PDE4B: variants seen among roughly 807,000 people sequenced by gnomAD.
The protein encoded by PDE4B is phosphodiesterase 4B.
In PDE4B, 20 loss-of-function variants were observed where a neutral mutation model predicts 82.2. The ratio of observed to expected loss-of-function variants is 0.24; its 90% confidence interval spans 0.17 to 0.35. The LOEUF (loss-of-function observed/expected upper bound fraction) is 0.35, where lower values mean the gene tolerates loss of function less well. Among genes scored for constraint, PDE4B ranks in the 10% least tolerant of loss-of-function variants. The probability of loss-of-function intolerance (pLI) is 1.00; values close to 1 mark genes in which losing one functional copy is unlikely to be tolerated. For missense variants in PDE4B, 655 were observed against 907.2 expected (o/e 0.72, Z 3.57); for synonymous variants, 320 against 318.9 (o/e 1.00, Z -0.04).
At chr1:66,159,370 C>G (rs1326434167) in intron 3 of PDE4B, among the ~76,000 whole-genome samples, 3 of 151,452 alleles carry the variant, frequency 2.0e-5, no homozygotes, top group African/African-American at 4.9e-5. Context: ...TCCCAGGTAG[C>G]AGGGACTACA....
At chr1:66,176,177 C>T (rs1031381847) in intron 3 of PDE4B, among the ~76,000 whole-genome samples, 1 of 152,192 alleles carries the variant, frequency 6.6e-6, no homozygotes, top group Non-Finnish European at 1.5e-5. Context: ...GTTGACTCAA[C>T]AAAGGCAAGA....
At chr1:66,125,318 C>G (rs1358349641) in intron 3 of PDE4B, among the ~76,000 whole-genome samples, 4 of 152,016 alleles carry the variant, frequency 2.6e-5, no homozygotes, top group African/African-American at 9.7e-5. Flanking sequence ...TGCCAGCCAC[C>G]ATGCCCAGCT....
At chr1:65,944,634 C>T (rs1483499035) in intron 3 of PDE4B, among the ~76,000 whole-genome samples, 6 of 151,848 alleles carry the variant, frequency 4.0e-5, no homozygotes, top group Non-Finnish European at 8.8e-5. Context: ...AGGGGGAATG[C>T]AAAGAGCAAG....
intron 3 of PDE4B, among the ~76,000 whole-genome samples, chr1:66,016,996 CAG>C (rs2100755522): frequency 6.6e-6 from 1 of 152,168 alleles, no homozygotes; most frequent in East Asian, 1.9e-4. Context: ...GAGAAAACAA[CAG>C]AGTGTGGGTG....
At chr1:66,080,593 C>T (rs1656671993) in intron 3 of PDE4B, among the ~76,000 whole-genome samples, 1 of 152,090 alleles carries the variant, frequency 6.6e-6, no homozygotes, top group African/African-American at 2.4e-5. Context: ...GTGGGAAAAG[C>T]ATGTCTTCGC....
At chr1:66,072,778 T>C (rs1385721188) in intron 3 of PDE4B, among the ~76,000 whole-genome samples, 1 of 152,136 alleles carries the variant, frequency 6.6e-6, no homozygotes, top group Admixed American at 6.6e-5. Context: ...AGGCAAATCA[T>C]ATATGGTCCT....
At chr1:65,950,563 G>T (rs1648941482) in intron 3 of PDE4B, among the ~76,000 whole-genome samples, 1 of 152,056 alleles carries the variant, frequency 6.6e-6, no homozygotes, top group Non-Finnish European at 1.5e-5. Context: ...GTGGTCTCAG[G>T]AGGGACTAGC....
chr1:65,899,147 G>A (rs920911873), intron 1 of PDE4B, among the ~76,000 whole-genome samples: 13 of 151,448 alleles, frequency 8.6e-5, no homozygotes, highest in African/African-American at 2.4e-4. Context: ...CCATCAAAAA[G>A]TGGGCTAAGG....
intron 3 of PDE4B, among the ~76,000 whole-genome samples, chr1:65,965,176 G>GTAACC (rs1649748096): frequency 6.6e-6 from 1 of 152,068 alleles, no homozygotes; most frequent in South Asian, 2.1e-4. Flanking sequence ...GTGAGTGGGG[G>GTAACC]TAACCTAGAG....
chr1:66,083,310 A>G (rs867653045), intron 3 of PDE4B, among the ~76,000 whole-genome samples: 1 of 151,968 alleles, frequency 6.6e-6, no homozygotes, highest in Non-Finnish European at 1.5e-5. Context: ...CAGCCTAACT[A>G]TATAATCATT....
chr1:66,302,526 T>C (rs1657969472), intron 7 of PDE4B, among the ~76,000 whole-genome samples: 1 of 152,152 alleles, frequency 6.6e-6, no homozygotes, highest in Admixed American at 6.6e-5. Context: ...GGAATTAGAA[T>C]AGTAATCTCT....
At chr1:66,362,556 T>TG (rs1662866443) in intron 10 of PDE4B, among the ~76,000 whole-genome samples, 1 of 152,198 alleles carries the variant, frequency 6.6e-6, no homozygotes, top group African/African-American at 2.4e-5. Flanking sequence ...TGAAATAAAT[T>TG]GGTCCTTAAA....
rs115658271 is a variant in PDE4B at position 66,119,930 on chromosome 1, G to A, written c.282-127530G>A. On this transcript the variant is annotated intron_variant, in intron 3 of 16. Coordinates refer to ENST00000341517, the MANE Select transcript of PDE4B (RefSeq NM_002600.4). ...CATCTACAAGCCATGGAATCTCTGA[G>A]GTGAGGCTACCAGAAGCTTAGAGAG... is the stretch of plus-strand genomic sequence containing the variant. Among the ~76,000 whole-genome samples the A allele has an allele frequency of 8.1e-3, 1,240 of 152,222 alleles. 21 individuals are homozygous for A. The highest frequency in any genetic ancestry group is 0.029 in the African/African-American group (1,207 of 41,540).
At chr1:65,890,004 T>A (rs1448477363) in intron 1 of PDE4B, among the ~76,000 whole-genome samples, 2 of 152,144 alleles carry the variant, frequency 1.3e-5, no homozygotes, top group East Asian at 3.8e-4. Flanking sequence ...GTCCAGCTTT[T>A]AAAAACTTAA....
chr1:66,367,940 A>T lies in PDE4B; in HGVS notation c.1540-3A>T. ...AAGAGTTTTCATTTTCTTTTTACCC[A>T]AGGTGTTAGCAACTGATATGTCTAA... is the stretch of plus-strand genomic sequence containing the variant. On this transcript the variant is annotated splice_polypyrimidine_tract_variant and splice_region_variant and intron_variant, in intron 14 of 16. Coordinates refer to ENST00000341517, the MANE Select transcript of PDE4B (RefSeq NM_002600.4). 6.2e-7 allele frequency: 1 copy of T among 1,613,350 alleles called. No individual in the cohort carries two copies. The highest frequency in any genetic ancestry group is 1.1e-5 in the South Asian group (1 of 90,962).
chr1:66,269,026 G>A (rs1447587612), intron 7 of PDE4B, among the ~76,000 whole-genome samples: 2 of 152,010 alleles, frequency 1.3e-5, no homozygotes, highest in African/African-American at 4.8e-5. Context: ...TGAATTGACC[G>A]GGAAAACTAC....
At chr1:66,108,052 CTTATTTCTTTGTAGTG>C (rs1343335100) in intron 3 of PDE4B, among the ~76,000 whole-genome samples, 6 of 151,882 alleles carry the variant, frequency 4.0e-5, no homozygotes, top group Non-Finnish European at 7.4e-5. Flanking sequence ...ACCTCACATA[CTTATTTCTTTGTAGTG>C]AGAATATTTA....
intron 3 of PDE4B, chr1:65,993,153 A>T (rs754829139): frequency 6.2e-7 from 1 of 1,600,726 alleles, no homozygotes; most frequent in Middle Eastern, 1.7e-4. Context: ...GTAAGATAAG[A>T]CTTGGAGGTA....
chr1:66,320,932 G>A (rs904181612), intron 7 of PDE4B, among the ~76,000 whole-genome samples: 5 of 152,150 alleles, frequency 3.3e-5, no homozygotes, highest in African/African-American at 1.2e-4. Flanking sequence ...GTTGGGAAAG[G>A]CATTTTAGGC....
Sources: allele counts gnomAD v4.1 joint callset (sites outside exome capture counted in the v4.1 genomes callset), GRCh38; gene constraint gnomAD v4.1.1; transcripts MANE v1.5; gene names NCBI Gene and HGNC (gene_info 2026-07-23, HGNC 2026-07-21).